Variants in RIT2 observed in about 807,000 individuals in gnomAD.
RIT2 encodes Ras like without CAAX 2.
In RIT2, 24 loss-of-function variants were observed where a neutral mutation model predicts 23.7. That is an observed-to-expected ratio of 1.01 (90% CI 0.73 to 1.43). RIT2 has a LOEUF of 1.43. Ranked by LOEUF, RIT2 falls within the 40% of genes most tolerant of loss-of-function variation. The pLI, the probability that RIT2 is intolerant of heterozygous loss-of-function variation, is 0.00. For synonymous variants in RIT2, 107 were observed against 91.1 expected, an observed-to-expected ratio of 1.17 and a Z score of -0.99; for missense variants, 236 against 266.9, an observed-to-expected ratio of 0.88 and a Z score of 0.81.
chr18:42,913,783 C>T (rs540494196), intron 4 of RIT2, among the ~76,000 whole-genome samples: 2 of 151,998 alleles, frequency 1.3e-5, no homozygotes, highest in South Asian at 4.2e-4. Context: ...GTGATCTATT[C>T]TACAATATGG....
intron 4 of RIT2, among the ~76,000 whole-genome samples, chr18:42,760,789 C>A (rs547299658): frequency 6.6e-6 from 1 of 152,236 alleles, no homozygotes; most frequent in Non-Finnish European, 1.5e-5. Flanking sequence ...ATATAGGGAC[C>A]TTTTGCTTGT....
chr18:42,905,671 C>T (rs1184919731), intron 4 of RIT2, among the ~76,000 whole-genome samples: 1 of 152,012 alleles, frequency 6.6e-6, no homozygotes, highest in East Asian at 1.9e-4. Context: ...TGGGGTTTCA[C>T]CATGTTGGTC....
At chr18:42,770,329 G>A (rs578137310) in intron 4 of RIT2, among the ~76,000 whole-genome samples, 9 of 152,320 alleles carry the variant, frequency 5.9e-5, no homozygotes, top group Admixed American at 5.9e-4. Flanking sequence ...TCCTATCTGA[G>A]TAGAACATAA....
At chr18:42,780,326 C>G (rs1353508573) in intron 4 of RIT2, among the ~76,000 whole-genome samples, 1 of 151,970 alleles carries the variant, frequency 6.6e-6, no homozygotes, top group Non-Finnish European at 1.5e-5. Context: ...GAGTTAAGCT[C>G]TGCCTGAAGA....
chr18:42,917,250 T>C (rs1044589907), intron 4 of RIT2, among the ~76,000 whole-genome samples: 7 of 152,126 alleles, frequency 4.6e-5, no homozygotes, highest in Admixed American at 4.6e-4. Context: ...AACCCAGGAC[T>C]ATCTGATTCT....
At chr18:42,933,879 G>A (rs543691192) in intron 3 of RIT2, among the ~76,000 whole-genome samples, 2 of 151,886 alleles carry the variant, frequency 1.3e-5, no homozygotes, top group Admixed American at 6.6e-5. Flanking sequence ...TTAGCTGGGC[G>A]TGGTGATGCA....
At chr18:43,047,278 A>C (rs1912271371) in intron 1 of RIT2, among the ~76,000 whole-genome samples, 1 of 151,632 alleles carries the variant, frequency 6.6e-6, no homozygotes, top group South Asian at 2.1e-4. Context: ...ATATCCAACT[A>C]TTTCTCTCAA....
intron 1 of RIT2, among the ~76,000 whole-genome samples, chr18:43,084,805 C>A (rs1425445724): frequency 6.6e-6 from 1 of 152,032 alleles, no homozygotes; most frequent in African/African-American, 2.4e-5. Context: ...CCTAGTGACA[C>A]GTTGATGGGT....
chr18:43,078,988 G>A (rs115702867), intron 1 of RIT2, among the ~76,000 whole-genome samples: 1 of 152,150 alleles, frequency 6.6e-6, no homozygotes, highest in South Asian at 2.1e-4. Context: ...TGACAGAGCA[G>A]AGCCCTGTCA....
At chr18:42,753,210 T>A (rs1913087424) in intron 4 of RIT2, among the ~76,000 whole-genome samples, 1 of 152,194 alleles carries the variant, frequency 6.6e-6, no homozygotes, top group Non-Finnish European at 1.5e-5. Context: ...CCCAACAATC[T>A]GCTGACTTCA....
chr18:42,833,053 C>CAA (rs35952869), intron 4 of RIT2, among the ~76,000 whole-genome samples: 1,615 of 77,744 alleles, frequency 0.021, 71 homozygotes, highest in African/African-American at 0.066. Context: ...GACTTCATCT[C>CAA]AAAAAAAAAA....
At chr18:42,821,258 C>A (rs1474541408) in intron 4 of RIT2, among the ~76,000 whole-genome samples, 1 of 151,912 alleles carries the variant, frequency 6.6e-6, no homozygotes, top group Non-Finnish European at 1.5e-5. Context: ...CCCTGTATAA[C>A]AAAGAGGATT....
intron 4 of RIT2, among the ~76,000 whole-genome samples, chr18:42,757,000 G>A (rs1337098506): frequency 6.6e-6 from 1 of 151,972 alleles, no homozygotes; most frequent in East Asian, 1.9e-4. Context: ...ATAAGATCAA[G>A]AAGACAAAGG....
At chr18:43,059,619 A>G (rs1392543265) in intron 1 of RIT2, among the ~76,000 whole-genome samples, 1 of 152,144 alleles carries the variant, frequency 6.6e-6, no homozygotes, top group African/African-American at 2.4e-5. Context: ...TAACTGATGG[A>G]CACTGATGAA....
At chr18:43,032,288 A>G (rs1446433288) in intron 2 of RIT2, among the ~76,000 whole-genome samples, 2 of 152,050 alleles carry the variant, frequency 1.3e-5, no homozygotes, top group Non-Finnish European at 2.9e-5. Flanking sequence ...TTTATGATTT[A>G]TTCACATCTA....
chr18:42,911,242 A>G (rs1418261409), intron 4 of RIT2, among the ~76,000 whole-genome samples: 2 of 152,092 alleles, frequency 1.3e-5, no homozygotes, highest in Non-Finnish European at 2.9e-5. Flanking sequence ...ATAAAAATAA[A>G]CACAAAATAT....
intron 4 of RIT2, among the ~76,000 whole-genome samples, chr18:42,881,309 T>C (rs747613778): frequency 2.0e-5 from 3 of 152,254 alleles, no homozygotes; most frequent in Non-Finnish European, 4.4e-5. Context: ...TCAATTTTTA[T>C]TCAATAATGC....
chr18:42,802,908 T>G (rs376122158), intron 4 of RIT2, among the ~76,000 whole-genome samples: 64 of 152,196 alleles, frequency 4.2e-4, no homozygotes, highest in South Asian at 8.3e-4. Flanking sequence ...CCAGCTTTTT[T>G]TGTGTGTGTG....
chr18:42,888,205 C>T (rs1456031864), intron 4 of RIT2, among the ~76,000 whole-genome samples: 1 of 151,050 alleles, frequency 6.6e-6, no homozygotes, highest in Non-Finnish European at 1.5e-5. Flanking sequence ...ACGAATATAC[C>T]ACTGTGGCGG....
Sources: gnomAD v4.1 joint callset for allele counts (sites outside exome capture counted in the v4.1 genomes callset) on GRCh38, gnomAD v4.1.1 for gene constraint, MANE v1.5 for transcripts, NCBI Gene and HGNC (gene_info 2026-07-23, HGNC 2026-07-21) for gene names.